LIN28B: variants seen among roughly 807,000 people sequenced by gnomAD.
LIN28B encodes protein lin-28 homolog B.
A neutral mutation model predicts 21.9 loss-of-function variants in LIN28B; 5 were observed. That is an observed-to-expected ratio of 0.23 (90% CI 0.12 to 0.48). The LOEUF is 0.48. Ranked by LOEUF, LIN28B falls within the 20% of genes least tolerant of loss-of-function variation. The pLI, the probability that LIN28B is intolerant of heterozygous loss-of-function variation, is 0.98. For synonymous variants in LIN28B, 109 were observed against 111.3 expected (o/e 0.98, Z 0.13); for missense variants, 245 against 310.5 (o/e 0.79, Z 1.58).
chr6:104,995,468 A>G (rs1770579248), intron 2 of LIN28B, among the ~76,000 whole-genome samples: 1 of 152,178 alleles, frequency 6.6e-6, no homozygotes, highest in Non-Finnish European at 1.5e-5. Flanking sequence ...AAATGTAAGT[A>G]TGCAGGCCCT....
At chr6:105,008,415 C>T (rs576873436) in intron 2 of LIN28B, among the ~76,000 whole-genome samples, 67 of 152,112 alleles carry the variant, frequency 4.4e-4, no homozygotes, top group African/African-American at 1.4e-3. Flanking sequence ...GAGGCCGAGG[C>T]GGGCGGATCA....
chr6:105,068,916 C>T (rs376033972), intron 3 of LIN28B, among the ~76,000 whole-genome samples: 23 of 152,088 alleles, frequency 1.5e-4, no homozygotes, highest in African/African-American at 5.3e-4. Context: ...AAGTAATTTT[C>T]TATTTAAATG....
At chr6:105,013,633 G>T (rs1318673840) in intron 2 of LIN28B, among the ~76,000 whole-genome samples, 1 of 151,468 alleles carries the variant, frequency 6.6e-6, no homozygotes, top group Non-Finnish European at 1.5e-5. Context: ...GAGAGATTGA[G>T]GTGGGAGGAT....
At chr6:105,016,748 G>A (rs181798108) in intron 2 of LIN28B, among the ~76,000 whole-genome samples, 1 of 152,142 alleles carries the variant, frequency 6.6e-6, no homozygotes, top group Non-Finnish European at 1.5e-5. Context: ...CAAGAAGTTA[G>A]TAGCTTTATA....
At chr6:105,063,635 C>T (rs1481569378) in intron 3 of LIN28B, among the ~76,000 whole-genome samples, 3 of 98,060 alleles carry the variant, frequency 3.1e-5, no homozygotes, top group Non-Finnish European at 4.3e-5. Context: ...GACTCCATCT[C>T]GGGGGGGGGG....
intron 2 of LIN28B, among the ~76,000 whole-genome samples, chr6:104,976,137 T>C (rs1770090112): frequency 6.6e-6 from 1 of 152,222 alleles, no homozygotes; most frequent in Non-Finnish European, 1.5e-5. Context: ...TTACTTACTT[T>C]GTGCTAGGTG....
At chr6:105,034,527 TAGA>T (rs1473126676) in intron 3 of LIN28B, among the ~76,000 whole-genome samples, 1 of 152,012 alleles carries the variant, frequency 6.6e-6, no homozygotes, top group East Asian at 1.9e-4. Context: ...TTGATCATAG[TAGA>T]AGAATTTGTT....
chr6:104,991,221 G>A (rs1410296073), intron 2 of LIN28B, among the ~76,000 whole-genome samples: 2 of 150,636 alleles, frequency 1.3e-5, no homozygotes, highest in Non-Finnish European at 3.0e-5. Flanking sequence ...GGGGTGGCTG[G>A]CCGGGCGGGG....
chr6:104,963,335 C>G (rs1325308560), intron 2 of LIN28B, among the ~76,000 whole-genome samples: 1 of 152,122 alleles, frequency 6.6e-6, no homozygotes, highest in Non-Finnish European at 1.5e-5. Flanking sequence ...CGTGAGCCAC[C>G]GCTCCTGGCC....
chr6:104,976,833 C>G (rs1335403496), intron 2 of LIN28B, among the ~76,000 whole-genome samples: 1 of 152,176 alleles, frequency 6.6e-6, no homozygotes, highest in East Asian at 1.9e-4. Context: ...AGATGAAGCT[C>G]AAGCCAAGGT....
At chr6:105,018,576 C>G (rs1771075625) in intron 2 of LIN28B, among the ~76,000 whole-genome samples, 1 of 152,112 alleles carries the variant, frequency 6.6e-6, no homozygotes, top group African/African-American at 2.4e-5. Flanking sequence ...TTGTATTATT[C>G]ATTTCATAAT....
chr6:104,961,016 A>G (rs1769728463), intron 2 of LIN28B, among the ~76,000 whole-genome samples: 1 of 152,142 alleles, frequency 6.6e-6, no homozygotes, highest in African/African-American at 2.4e-5. Context: ...ATGCTGTGAG[A>G]TTCTGCTATT....
At chr6:104,964,830 C>T (rs1376030807) in intron 2 of LIN28B, among the ~76,000 whole-genome samples, 2 of 152,108 alleles carry the variant, frequency 1.3e-5, no homozygotes, top group South Asian at 2.1e-4. Context: ...ATTATTGCTT[C>T]TTCTTTTCCA....
At chr6:105,023,919 C>G (rs1771231249) in intron 2 of LIN28B, among the ~76,000 whole-genome samples, 2 of 151,248 alleles carry the variant, frequency 1.3e-5, no homozygotes, top group African/African-American at 4.9e-5. Flanking sequence ...GAACTATGCA[C>G]CAACTCCTAC....
chr6:105,004,052 A>G (rs935461703), intron 2 of LIN28B, among the ~76,000 whole-genome samples: 26 of 152,210 alleles, frequency 1.7e-4, no homozygotes, highest in Admixed American at 7.9e-4. Flanking sequence ...ACTGAAGAAC[A>G]TGGAGTCTGA....
intron 2 of LIN28B, among the ~76,000 whole-genome samples, chr6:104,939,891 A>G (rs1778058654): frequency 6.6e-6 from 1 of 152,338 alleles, no homozygotes; most frequent in African/African-American, 2.4e-5. Context: ...AAACTACCCA[A>G]AGTATAAGAA....
intron 2 of LIN28B, among the ~76,000 whole-genome samples, chr6:105,002,534 G>T (rs1284030754): frequency 6.6e-6 from 1 of 152,040 alleles, no homozygotes; most frequent in Non-Finnish European, 1.5e-5. Context: ...TAAAATATTT[G>T]ACTCCACAGT....
chr6:105,074,324 A>G (rs1772383457), intron 3 of LIN28B, among the ~76,000 whole-genome samples: 1 of 151,958 alleles, frequency 6.6e-6, no homozygotes, highest in African/African-American at 2.4e-5. Context: ...CAGCCTCCCA[A>G]GTAGCTGGGA....
chr6:105,083,136 A>G lies in LIN28B; in HGVS notation c.*4353A>G, dbSNP rs1351218670. ...CTTGAACTGTATGTTTTTAAAAGAC[A>G]AAAAAGGGGTAGATGTTTGGAATGC... On this transcript the variant is annotated 3_prime_UTR_variant, in exon 4 of 4. Coordinates refer to ENST00000345080, the MANE Select transcript of LIN28B (RefSeq NM_001004317.4). The G allele has an allele frequency of 6.6e-6, 1 of 152,652 alleles. No individual in the cohort carries two copies. Among genetic ancestry groups the G allele is most frequent in the Non-Finnish European group, 1.5e-5 (1 of 68,036 alleles). The allele number at this position is 152,652 out of a possible 1,614,324, so 9.5% of individuals were successfully genotyped here.
Sources: gnomAD v4.1 joint callset for allele counts (sites outside exome capture counted in the v4.1 genomes callset) on GRCh38, gnomAD v4.1.1 for gene constraint, MANE v1.5 for transcripts, NCBI Gene and HGNC (gene_info 2026-07-23, HGNC 2026-07-21) for gene names.